The following VPS13C variants were observed in gnomAD, a reference collection of about 807,000 sequenced individuals.
VPS13C encodes the protein intermembrane lipid transfer protein VPS13C.
In VPS13C, 358 loss-of-function variants were observed where a neutral mutation model predicts 456.8. The ratio of observed to expected loss-of-function variants is 0.78; its 90% CI spans 0.72 to 0.86. The LOEUF (loss-of-function observed/expected upper bound fraction) is 0.86. Ranked by LOEUF, VPS13C falls within the 40% of genes least tolerant of loss-of-function variation. VPS13C has a pLI of 0.00. For synonymous variants in VPS13C, 1,578 were observed against 1,486.7 expected (o/e 1.06, Z -1.41); for missense variants, 4,818 against 4,385.4 (o/e 1.10, Z -2.79).
intron 2 of VPS13C, among the ~76,000 whole-genome samples, 158 bp downstream of exon 2, chr15:62,044,054 T>G (rs753113307): frequency 7.2e-5 from 11 of 152,170 alleles, no homozygotes; most frequent in Admixed American, 2.0e-4. Context: ...TTCTAAATCT[T>G]TAATCTCAGA....
At chr15:62,044,153 A>C in intron 2 of VPS13C, 59 bp downstream of exon 2, 1 of 1,238,558 alleles carries the variant, frequency 8.1e-7, no homozygotes, top group South Asian at 1.4e-5. Context: ...TAGTAGGCAA[A>C]GGTTTCTAAG....
At chr15:62,054,775 T>C (rs962698491) in intron 1 of VPS13C, among the ~76,000 whole-genome samples, 1 of 151,804 alleles carries the variant, frequency 6.6e-6, no homozygotes, top group Non-Finnish European at 1.5e-5. Context: ...AGAATATTAA[T>C]ACCTCTAAAA....
In VPS13C at chr15:62,013,925, C is replaced by A; in HGVS notation, c.744+8G>T. Reference sequence around the variant, plus strand: ...AAACTAACAAAAATTTTTATTCCAACATAATACCTTGTATATAATTTTGTC... The same window carrying A: ...AAACTAACAAAAATTTTTATTCCAAAATAATACCTTGTATATAATTTTGTC... On this transcript the variant is annotated splice_region_variant and intron_variant, in intron 10 of 84. Coordinates refer to ENST00000644861, the MANE Select transcript of VPS13C (RefSeq NM_020821.3). 6.3e-7 allele frequency: 1 copy of A among 1,598,320 alleles called. No homozygotes were observed. Among genetic ancestry groups the A allele is most frequent in the Non-Finnish European group, 8.5e-7 (1 of 1,171,110 alleles).
At chr15:61,897,935 G>T (rs559999630) in intron 66 of VPS13C, among the ~76,000 whole-genome samples, 10 of 152,200 alleles carry the variant, frequency 6.6e-5, no homozygotes, top group African/African-American at 2.2e-4. Context: ...AGAAGAGAGT[G>T]GGGGCCAATA....
intron 9 of VPS13C, among the ~76,000 whole-genome samples, chr15:62,015,462 T>C (rs1049115272): frequency 6.6e-6 from 1 of 151,880 alleles, no homozygotes; most frequent in Non-Finnish European, 1.5e-5. Context: ...TGCCTAGGTT[T>C]TCTTCTAGGG....
At position 61,992,185 on chromosome 15, in the gene VPS13C, T is replaced by G. The variant is rs553748851; in HGVS notation, c.1354-383A>C. On this transcript the variant is annotated intron_variant, in intron 16 of 84. Transcript: ENST00000644861. Reference sequence around the variant, plus strand: ...GAAACACACCCAAAAAAGTATTAATTTAAAACAATTATATTTCAGAATTCA... The same window carrying G: ...GAAACACACCCAAAAAAGTATTAATGTAAAACAATTATATTTCAGAATTCA... Among the ~76,000 whole-genome samples, 42 of 152,268 alleles carry G rather than the reference T, an allele frequency of 2.8e-4. No homozygotes were observed. The South Asian group carries it at 8.5e-3, about 31-fold the overall frequency.
intron 61 of VPS13C, among the ~76,000 whole-genome samples, chr15:61,914,343 C>G (rs2043395846): frequency 6.6e-6 from 1 of 151,910 alleles, no homozygotes; most frequent in Admixed American, 6.6e-5. Context: ...CCGAGGCTGG[C>G]AGATCACCTA....
intron 66 of VPS13C, among the ~76,000 whole-genome samples, chr15:61,902,955 C>T (rs2043045530): frequency 6.6e-6 from 1 of 150,406 alleles, no homozygotes; most frequent in Non-Finnish European, 1.5e-5. Flanking sequence ...CTAAAGACTC[C>T]ACACACATTA....
intron 60 of VPS13C, among the ~76,000 whole-genome samples, chr15:61,916,971 G>C (rs1018552725): frequency 6.6e-6 from 1 of 152,092 alleles, no homozygotes; most frequent in African/African-American, 2.4e-5. Flanking sequence ...ACAGTAAAGA[G>C]GCAGGGATCA....
intron 1 of VPS13C, among the ~76,000 whole-genome samples, chr15:62,053,058 T>C (rs1298452493): frequency 6.6e-6 from 1 of 152,244 alleles, no homozygotes; most frequent in Non-Finnish European, 1.5e-5. Flanking sequence ...GCTACTTAAA[T>C]ATGTGAACAG....
rs1895302874 is a variant in VPS13C at position 61,874,918 on chromosome 15, C to T, written c.10372G>A (p.Gly3458Arg). The change falls in exon 77 of 85, where the codon GGG becomes AGG. Residue 3458 changes from glycine to arginine, a missense_variant. Physicochemically the swap from Gly to Arg is moderately radical, Grantham distance 125. Around this residue, in one of 3 missense-constraint regions of VPS13C, gnomAD observed 4,552 missense variants for 4,130.6 expected, o/e 1.10. Transcript: ENST00000644861. The stretch of plus-strand genomic sequence containing the variant: ...AGGCTTCTCACTCCAATCACTAACC[C>T]CTCTGCAAATTCTTCAGGGCCTTGA... The part of the protein sequence containing the change: ...AVQGPEEFAE[G>R]LVIGVRSLFG... 2 of 1,590,996 alleles carry T rather than the reference C, an allele frequency of 1.3e-6. No individual in the cohort carries two copies. Among genetic ancestry groups the T allele is most frequent in the Non-Finnish European group, 1.7e-6 (2 of 1,170,266 alleles).
At position 61,854,282 on chromosome 15, in the gene VPS13C, A is replaced by T; in HGVS notation, c.*175T>A. 1 of 643,102 alleles carries T rather than the reference A, an allele frequency of 1.6e-6. No homozygotes were observed. The highest frequency in any genetic ancestry group is 2.7e-6 in the Non-Finnish European group (1 of 366,550). 39.8% of individuals were successfully genotyped at this position (643,102 alleles called of 1,614,324 possible). ...GACTGCTAGCATATACATGGTTACA[A>T]AATTAGAGTAAAAACTAAAAGGTGA... On this transcript the variant is annotated 3_prime_UTR_variant, in exon 85 of 85. Coordinates refer to ENST00000644861, the MANE Select transcript of VPS13C (RefSeq NM_020821.3).
chr15:62,007,236 A>T lies in VPS13C; in HGVS notation c.1290+72T>A, dbSNP rs74619827. 2.4e-3 allele frequency: 2,731 copies of T among 1,134,388 alleles called. 61 individuals are homozygous for T. The African/African-American group carries it at 0.04, about 16-fold the overall frequency. The allele number at this position is 1,134,388 out of a possible 1,614,324, so 70.3% of individuals were successfully genotyped here. On this transcript the variant is annotated intron_variant, in intron 15 of 84. Coordinates refer to ENST00000644861, the MANE Select transcript of VPS13C (RefSeq NM_020821.3). ...TCTTCCTAAAATTATTTTTTGATTCAAATTACATGCAGAAGAATATTAAAG... is the reference window on the plus strand; with the variant it reads ...TCTTCCTAAAATTATTTTTTGATTCTAATTACATGCAGAAGAATATTAAAG...
chr15:61,854,865 GT>G lies in VPS13C; in HGVS notation c.11160+5del. On this transcript the variant is annotated splice_donor_5th_base_variant and intron_variant, in intron 84 of 84. Transcript: ENST00000644861. ...AAAATTGAGGCATGCTCTTTAAATT[GT>G]TTACCTCTGCTGTGGCGGTGTCCTT... 6.2e-7 allele frequency: 1 copy of G among 1,600,206 alleles called. No individual in the cohort carries two copies. Among genetic ancestry groups the G allele is most frequent in the South Asian group, 1.1e-5 (1 of 87,938 alleles).
intron 33 of VPS13C, 46 bp from the exon 34 acceptor site, chr15:61,962,584 C>A: frequency 6.6e-7 from 1 of 1,524,910 alleles, no homozygotes; most frequent in Non-Finnish European, 8.8e-7. Flanking sequence ...AAGGTAATGA[C>A]AAAATAAAAT....
chr15:62,056,027 A>G (rs2048784476), intron 1 of VPS13C, among the ~76,000 whole-genome samples: 1 of 152,110 alleles, frequency 6.6e-6, no homozygotes, highest in Admixed American at 6.5e-5. Flanking sequence ...TGTCAAATAT[A>G]CCCTGGGTAC....
Position 61,878,645 on chromosome 15 carries a change from T to C in VPS13C, c.10104A>G (p.Ile3368Met), listed in dbSNP as rs1895633227. 2 of 1,611,488 alleles carry C rather than the reference T, an allele frequency of 1.2e-6. No homozygotes were observed. Among genetic ancestry groups the C allele is most frequent in the Non-Finnish European group, 1.7e-6 (2 of 1,178,852 alleles). The part of the protein sequence containing the change: ...VHSVNLLLKS[I>M]GATLTDVDDL... ...CATCCACATCAGTCAGAGTAGCACC[T>C]ATGCTTTTCAACAGCAAGTTGACAG... Residue 3368 changes from isoleucine (I) to methionine (M), a missense_variant, in exon 74 of 85, where the codon ATA becomes ATG. This residue lies in a region of VPS13C where 4,552 missense variants were observed against 4,130.6 expected (regional missense o/e 1.10). Transcript: ENST00000644861.
At chr15:62,009,362 TAA>T (rs574768476) in intron 13 of VPS13C, among the ~76,000 whole-genome samples, 5 of 142,252 alleles carry the variant, frequency 3.5e-5, no homozygotes, top group African/African-American at 5.2e-5. Flanking sequence ...CAGAGAAGAT[TAA>T]AAAAAAAAAA....
At chr15:61,951,104 A>C (rs2044775825) in intron 39 of VPS13C, 80 bp from the exon 40 acceptor site, 1 of 859,910 alleles carries the variant, frequency 1.2e-6, no homozygotes, top group East Asian at 2.6e-5. Context: ...AAATGTACAC[A>C]AATATACATT....
Sources: allele counts gnomAD v4.1 joint callset (sites outside exome capture counted in the v4.1 genomes callset), GRCh38; gene constraint gnomAD v4.1.1; regional missense constraint gnomAD v4.1.1; transcripts MANE v1.5; gene names NCBI Gene and HGNC (gene_info 2026-07-23, HGNC 2026-07-21).